The following INPP5A variants were observed in gnomAD, a reference collection of about 807,000 sequenced individuals.
INPP5A encodes the protein 43 kDa inositol polyphosphate 5-phophatase.
INPP5A carries 14 observed loss-of-function variants against 65.2 expected under a neutral mutation model. The ratio of observed to expected loss-of-function variants is 0.21; its 90% CI spans 0.14 to 0.34. The LOEUF (loss-of-function observed/expected upper bound fraction) is 0.34, where lower values mean the gene tolerates loss of function less well. INPP5A is among the 10% of genes least tolerant of loss of function. The pLI, the probability that INPP5A is intolerant of heterozygous loss-of-function variation, is 1.00. For missense variants in INPP5A, 431 were observed against 545.6 expected, an observed-to-expected ratio of 0.79 and a Z score of 2.09; for synonymous variants, 207 against 208.3, an observed-to-expected ratio of 0.99 and a Z score of 0.05.
chr10:132,724,926 G>A (rs1208746443), intron 8 of INPP5A, among the ~76,000 whole-genome samples: 4 of 135,280 alleles, frequency 3.0e-5, no homozygotes, highest in Non-Finnish European at 6.2e-5. Flanking sequence ...CACAGACGGG[G>A]ATCACTCTCC....
Position 132,650,355 on chromosome 10 carries a change from C to A in INPP5A, c.219-63C>A. On this transcript the variant is annotated intron_variant, in intron 3 of 15. Coordinates refer to ENST00000368594, the MANE Select transcript of INPP5A (RefSeq NM_005539.5). This position sits in a 1 kb window ranked among gnomAD's most constrained non-coding sequence, Gnocchi z 5.5. ...TGGAGCCCCTCTTATACCTTGTGGT[C>A]ATCTCATGAGGTGCAAGGCGTCTGT... The A allele has an allele frequency of 9.1e-7, 1 of 1,094,212 alleles. No individual in the cohort carries two copies. Among genetic ancestry groups the A allele is most frequent in the South Asian group, 1.3e-5 (1 of 79,932 alleles). The allele number at this position is 1,094,212 out of a possible 1,614,324, so 67.8% of individuals were successfully genotyped here.
rs1590940641 is a variant in INPP5A at position 132,706,413 on chromosome 10, T to C, written c.475-1900T>C. On this transcript the variant is annotated intron_variant, in intron 6 of 15. Coordinates refer to ENST00000368594, the MANE Select transcript of INPP5A (RefSeq NM_005539.5). This position sits in a 1 kb window ranked among gnomAD's most constrained non-coding sequence, Gnocchi z 4.7. The stretch of plus-strand genomic sequence containing the variant: ...AGCAGGATATATAAAAATAAACCCA[T>C]ACCTGGATGGCAGTGAAGCTTCAGA... 6.6e-6 allele frequency among the ~76,000 whole-genome samples: 1 copy of C among 152,236 alleles called. No individual in the cohort carries two copies. The highest frequency in any genetic ancestry group is 1.9e-4 in the East Asian group (1 of 5,206).
intron 8 of INPP5A, among the ~76,000 whole-genome samples, chr10:132,716,383 C>T (rs559180152): frequency 6.9e-4 from 105 of 152,318 alleles, no homozygotes; most frequent in Non-Finnish European, 1.3e-3. Flanking sequence ...GTTGCTGTGA[C>T]GCCTGTGTGT....
intron 1 of INPP5A, among the ~76,000 whole-genome samples, chr10:132,598,868 G>A (rs1451076413): frequency 6.6e-6 from 1 of 152,214 alleles, no homozygotes; most frequent in African/African-American, 2.4e-5. Context: ...AAGAGAAAAT[G>A]AGAGAGAAGT....
intron 8 of INPP5A, among the ~76,000 whole-genome samples, chr10:132,715,627 C>T (rs1203867080): frequency 1.3e-5 from 2 of 152,234 alleles, no homozygotes; most frequent in Admixed American, 6.5e-5. Context: ...TCTCTTTAGA[C>T]GTTCCCAGAA....
intron 11 of INPP5A, among the ~76,000 whole-genome samples, chr10:132,763,327 G>C (rs1274625110): frequency 1.3e-5 from 2 of 152,216 alleles, no homozygotes; most frequent in Non-Finnish European, 1.5e-5. Context: ...CCTCCCTGCT[G>C]CCTCCTCACC....
rs1365287774 is a variant in INPP5A, at chr10:132,546,992, C to T, written c.75+8821C>T. Among the ~76,000 whole-genome samples, 3 of 152,242 alleles carry T rather than the reference C, an allele frequency of 2.0e-5. No individual in the cohort carries two copies. The highest frequency in any genetic ancestry group is 2.9e-5 in the Non-Finnish European group (2 of 68,038). Reference sequence around the variant, plus strand: ...CCTTCCTTTCTGCGTCCTCCCCTCTCGGGGTCCCGCATGACTGGTCCTCAT... The same window carrying T: ...CCTTCCTTTCTGCGTCCTCCCCTCTTGGGGTCCCGCATGACTGGTCCTCAT... On this transcript the variant is annotated intron_variant, in intron 1 of 15. Transcript: ENST00000368594. The surrounding 1 kb of genome is among the most constrained non-coding windows in gnomAD (Gnocchi z 5.7).
intron 3 of INPP5A, among the ~76,000 whole-genome samples, chr10:132,649,191 T>C (rs1194880561): frequency 6.6e-6 from 1 of 152,240 alleles, no homozygotes; most frequent in African/African-American, 2.4e-5. Flanking sequence ...GTTTTATTTC[T>C]GACATTGTGT....
chr10:132,766,792 G>A (rs957865069), intron 12 of INPP5A, among the ~76,000 whole-genome samples: 2 of 152,258 alleles, frequency 1.3e-5, no homozygotes, highest in Non-Finnish European at 2.9e-5. Context: ...AAGCCGCAGG[G>A]GACTTCCACT....
chr10:132,590,520 C>G (rs189901207), intron 1 of INPP5A, among the ~76,000 whole-genome samples: 1 of 152,128 alleles, frequency 6.6e-6, no homozygotes, highest in Non-Finnish European at 1.5e-5. Flanking sequence ...CATTGCGACA[C>G]GTGTAAAGAT....
At chr10:132,596,790 C>T (rs955164661) in intron 1 of INPP5A, among the ~76,000 whole-genome samples, 7 of 151,674 alleles carry the variant, frequency 4.6e-5, no homozygotes, top group Non-Finnish European at 7.4e-5. Flanking sequence ...TGTGCAGGCT[C>T]CTGTACATGT....
chr10:132,753,316 A>G lies in INPP5A; in HGVS notation c.903+3471A>G, dbSNP rs1217920400. On this transcript the variant is annotated intron_variant, in intron 11 of 15. Coordinates refer to ENST00000368594, the MANE Select transcript of INPP5A (RefSeq NM_005539.5). This position sits in a 1 kb window ranked among gnomAD's most constrained non-coding sequence, Gnocchi z 5.3. ...CGGTTAAACACACAGCACCGCAGCC[A>G]TGGAGAGCAAACTCTCCGTCCGCAG... Among the ~76,000 whole-genome samples, 3 of 152,150 alleles carry G rather than the reference A, an allele frequency of 2.0e-5. No homozygotes were observed. Among genetic ancestry groups the G allele is most frequent in the Non-Finnish European group, 4.4e-5 (3 of 68,028 alleles).
chr10:132,722,731 G>A (rs1246639001), intron 8 of INPP5A, among the ~76,000 whole-genome samples: 1 of 152,184 alleles, frequency 6.6e-6, no homozygotes, highest in Non-Finnish European at 1.5e-5. Flanking sequence ...TGCCTCCGCC[G>A]CGTAATGAGA....
At chr10:132,759,822 C>T (rs1846699092) in intron 11 of INPP5A, among the ~76,000 whole-genome samples, 1 of 152,186 alleles carries the variant, frequency 6.6e-6, no homozygotes, top group African/African-American at 2.4e-5. Flanking sequence ...CCTCAGAGCC[C>T]CCCGGCCCTG....
At chr10:132,642,337 G>A (rs1223167307) in intron 2 of INPP5A, among the ~76,000 whole-genome samples, 1 of 152,188 alleles carries the variant, frequency 6.6e-6, no homozygotes, top group Non-Finnish European at 1.5e-5. Flanking sequence ...TGGTGTCCTC[G>A]GTTCTTCTCC....
Position 132,545,104 on chromosome 10 carries a change from G to T in INPP5A, c.75+6933G>T, listed in dbSNP as rs376792743. 6.6e-6 allele frequency among the ~76,000 whole-genome samples: 1 copy of T among 152,230 alleles called. No individual in the cohort carries two copies. Among genetic ancestry groups the T allele is most frequent in the East Asian group, 1.9e-4 (1 of 5,176 alleles). ...CCCCACTCTGACCAGCACCACTGAG[G>T]AGTGTCTGTCCGTGTGGAGTTGTGG... On this transcript the variant is annotated intron_variant, in intron 1 of 15. Transcript: ENST00000368594. This position sits in a 1 kb window ranked among gnomAD's most constrained non-coding sequence, Gnocchi z 4.6.
At chr10:132,571,463 G>A (rs1295981456) in intron 1 of INPP5A, among the ~76,000 whole-genome samples, 2 of 152,270 alleles carry the variant, frequency 1.3e-5, no homozygotes, top group African/African-American at 2.4e-5. Context: ...AGCTCCTGCC[G>A]CTGTGTGTGG....
At chr10:132,646,662 G>A (rs923270287) in intron 3 of INPP5A, among the ~76,000 whole-genome samples, 2 of 152,180 alleles carry the variant, frequency 1.3e-5, no homozygotes, top group East Asian at 1.9e-4. Context: ...TTGGGGGCTC[G>A]TCTCCACCTC....
intron 6 of INPP5A, among the ~76,000 whole-genome samples, chr10:132,701,080 C>T (rs749711692): frequency 2.0e-5 from 3 of 152,164 alleles, no homozygotes; most frequent in Non-Finnish European, 2.9e-5. Context: ...GGGCCTTCGG[C>T]GTGAGGGTTG....
Sources: allele counts gnomAD v4.1 joint callset (sites outside exome capture counted in the v4.1 genomes callset), GRCh38; gene constraint gnomAD v4.1.1; non-coding constraint Gnocchi (gnomAD v3.1); transcripts MANE v1.5; gene names NCBI Gene and HGNC (gene_info 2026-07-23, HGNC 2026-07-21).